PSMB5: variants seen among roughly 807,000 people sequenced by gnomAD.
The protein encoded by PSMB5 is proteasome subunit beta type-5.
A neutral mutation model predicts 22.8 loss-of-function variants in PSMB5; 2 were observed. That is an observed-to-expected ratio of 0.09 (90% CI 0.04 to 0.28). The LOEUF is 0.28. Ranked by LOEUF, PSMB5 falls within the 10% of genes least tolerant of loss-of-function variation. PSMB5 has a pLI of 1.00. For missense variants in PSMB5, 269 were observed against 343.8 expected, an observed-to-expected ratio of 0.78 and a Z score of 1.72; for synonymous variants, 133 against 135.3, an observed-to-expected ratio of 0.98 and a Z score of 0.12.
At chr14:23,032,347 G>A (rs1397475266) in intron 2 of PSMB5, among the ~76,000 whole-genome samples, 1 of 152,124 alleles carries the variant, frequency 6.6e-6, no homozygotes, top group Non-Finnish European at 1.5e-5. Context: ...GGGAGACTGC[G>A]GCAGGAGAAT....
chr14:23,030,506 G>T (rs1281500279), intron 2 of PSMB5, among the ~76,000 whole-genome samples: 2 of 151,752 alleles, frequency 1.3e-5, no homozygotes, highest in Admixed American at 6.6e-5. Flanking sequence ...AAAAAAAAAG[G>T]TTATTTATCT....
intron 1 of PSMB5, chr14:23,034,341 A>C: frequency 3.9e-6 from 1 of 253,328 alleles, no homozygotes; most frequent in Non-Finnish European, 7.8e-6. Flanking sequence ...ACTTTGGTAA[A>C]CGTTTACAAT....
At chr14:23,030,909 G>C (rs1289752734) in intron 2 of PSMB5, among the ~76,000 whole-genome samples, 2 of 152,160 alleles carry the variant, frequency 1.3e-5, no homozygotes, top group African/African-American at 4.8e-5. Context: ...TGGGTGACAA[G>C]AGGAAAACTC....
At chr14:23,028,595 C>A (rs1347524361) in intron 2 of PSMB5, among the ~76,000 whole-genome samples, 1 of 152,134 alleles carries the variant, frequency 6.6e-6, no homozygotes, top group East Asian at 1.9e-4. Flanking sequence ...CTGGTATAGA[C>A]CAGGGTTTGG....
upstream of PSMB5, chr14:23,034,975 C>A: frequency 2.7e-6 from 4 of 1,476,498 alleles, no homozygotes; most frequent in Non-Finnish European, 3.6e-6. Context: ...CCTATTAAAT[C>A]TATTCCGGAA....
At chr14:23,030,544 C>T (rs534790197) in intron 2 of PSMB5, among the ~76,000 whole-genome samples, 5 of 152,122 alleles carry the variant, frequency 3.3e-5, no homozygotes, top group Admixed American at 2.0e-4. Context: ...ACTAGTCATC[C>T]TTTGGTATAT....
At chr14:23,034,641 C>G (rs1443584842) in intron 1 of PSMB5, 43 bp downstream of exon 1, 7 of 1,598,396 alleles carry the variant, frequency 4.4e-6, no homozygotes, top group Non-Finnish European at 6.0e-6. Context: ...AGGCAAGTCG[C>G]GGGCGTTCAG....
chr14:23,035,061 G>C, upstream of PSMB5: 1 of 1,275,416 alleles, frequency 7.8e-7, no homozygotes, highest in Non-Finnish European at 1.0e-6. Context: ...TCACTGAAGG[G>C]GGTCGGGGAA....
chr14:23,029,432 ACAT>A (rs1331832420), intron 2 of PSMB5, among the ~76,000 whole-genome samples: 2 of 151,838 alleles, frequency 1.3e-5, no homozygotes, highest in Non-Finnish European at 2.9e-5. Context: ...TCCCTTTTTT[ACAT>A]CCAGGACAAC....
chr14:23,026,347 G>T lies in PSMB5; in HGVS notation c.534C>A (p.Asn178Lys). The change falls in exon 3 of 3, where the codon AAC becomes AAA. Residue 178 changes from asparagine to lysine, a missense_variant. By Grantham distance (94) the Asn-to-Lys change is moderately conservative. Around this residue, in one of 3 missense-constraint regions of PSMB5, gnomAD observed 113 missense variants for 130.2 expected, o/e 0.87. Transcript: ENST00000361611. ...CAGAGAAGGTGGCCCCTGAAATCCG[G>T]TTCCCTTCACTGTCCACGTAGTAGA... ...PGLYYVDSEG[N>K]RISGATFSVG... is the part of the protein sequence containing the mutation. The T allele has an allele frequency of 6.2e-7, 1 of 1,613,960 alleles. No individual in the cohort carries two copies. Among genetic ancestry groups the T allele is most frequent in the African/African-American group, 1.3e-5 (1 of 74,952 alleles).
intron 2 of PSMB5, among the ~76,000 whole-genome samples, chr14:23,032,901 A>G (rs998616687): frequency 5.4e-5 from 8 of 148,336 alleles, no homozygotes; most frequent in Non-Finnish European, 1.0e-4. Flanking sequence ...CCGGCCTTCA[A>G]CGAATTCTTA....
rs185643679 is a variant in PSMB5, at chr14:23,028,371, A to G, written c.506-1996T>C. Reference sequence around the variant, plus strand: ...GAGGATAATAAAGCCTAGAGTTTGTAATCACATTGTAAAGACCTGCACTGT... The same window carrying G: ...GAGGATAATAAAGCCTAGAGTTTGTGATCACATTGTAAAGACCTGCACTGT... On this transcript the variant is annotated intron_variant, in intron 2 of 2. Transcript: ENST00000361611. 8.5e-5 allele frequency among the ~76,000 whole-genome samples: 13 copies of G among 152,372 alleles called. No individual in the cohort carries two copies. In the South Asian group the frequency reaches 2.5e-3, roughly 29 times the overall value.
At chr14:23,029,120 A>G (rs1645096903) in intron 2 of PSMB5, among the ~76,000 whole-genome samples, 1 of 152,204 alleles carries the variant, frequency 6.6e-6, no homozygotes, top group African/African-American at 2.4e-5. Flanking sequence ...GGAAACAGGT[A>G]TGGAACTTGT....
At chr14:23,034,452 C>G in intron 1 of PSMB5, 2 of 548,528 alleles carry the variant, frequency 3.6e-6, no homozygotes, top group South Asian at 4.5e-5. Flanking sequence ...ACCCAAGAGG[C>G]CTCACCTTCC....
chr14:23,026,128 C>T lies in PSMB5; in HGVS notation c.753G>A (p.Val251=), dbSNP rs750529649. The T allele has an allele frequency of 3.1e-6, 5 of 1,614,044 alleles. No individual in the cohort carries two copies. In the African/African-American group the frequency reaches 6.7e-5, roughly 22 times the overall value. Residue 251 remains valine (V), a synonymous_variant, in exon 3 of 3, where the codon GTG becomes GTA. Coordinates refer to ENST00000361611, the MANE Select transcript of PSMB5 (RefSeq NM_002797.5). ...CACTATACTTCTCATGTAGATCAGCCACATTGTCACTGGAGACTCGGATCC... is the reference window on the plus strand; with the variant it reads ...CACTATACTTCTCATGTAGATCAGCTACATTGTCACTGGAGACTCGGATCC... ...DGWIRVSSDN[V]ADLHEKYSGS... is the part of the protein sequence containing the mutation.
chr14:23,026,248 G>A lies in PSMB5; in HGVS notation c.633C>T (p.Ala211=). The A allele has an allele frequency of 6.2e-7, 1 of 1,614,046 alleles. No homozygotes were observed. The highest frequency in any genetic ancestry group is 8.5e-7 in the Non-Finnish European group (1 of 1,180,000). ...AGATGGCTCGACGGGCCAGATCATA[G>A]GCCTGCTCCACTTCCAGGTCATAGG... The part of the protein sequence containing the change: ...GYSYDLEVEQ[A]YDLARRAIYQ... Residue 211 remains alanine, a synonymous_variant, in exon 3 of 3, where the codon GCC becomes GCT. Transcript: ENST00000361611.
intron 2 of PSMB5, among the ~76,000 whole-genome samples, chr14:23,029,938 C>T (rs1459187825): frequency 6.6e-6 from 1 of 152,084 alleles, no homozygotes; most frequent in Admixed American, 6.6e-5. Flanking sequence ...ACCACCACCA[C>T]GCCCAGCTAA....
intron 2 of PSMB5, among the ~76,000 whole-genome samples, 153 bp from the exon 3 acceptor site, chr14:23,026,528 C>T (rs565072258): frequency 6.6e-6 from 1 of 152,068 alleles, no homozygotes; most frequent in African/African-American, 2.4e-5. Flanking sequence ...CGGCTCACCA[C>T]AACCTCCGCC....
At chr14:23,028,091 C>A (rs1193739163) in intron 2 of PSMB5, among the ~76,000 whole-genome samples, 1 of 151,934 alleles carries the variant, frequency 6.6e-6, no homozygotes, top group Non-Finnish European at 1.5e-5. Flanking sequence ...TGCAGTGAGC[C>A]GAGATCGCAC....
Sources: gnomAD v4.1 joint callset for allele counts (sites outside exome capture counted in the v4.1 genomes callset) on GRCh38, gnomAD v4.1.1 for gene constraint, gnomAD v4.1.1 regional missense constraint, MANE v1.5 for transcripts, NCBI Gene and HGNC (gene_info 2026-07-23, HGNC 2026-07-21) for gene names.